UBE2V2: variants seen among roughly 807,000 people sequenced by gnomAD.
UBE2V2 encodes ubiquitin conjugating enzyme E2 V2.
A neutral mutation model predicts 17.2 loss-of-function variants in UBE2V2; 9 were observed. The observed-to-expected ratio is 0.52, with a 90% CI of 0.32 to 0.91. The LOEUF (loss-of-function observed/expected upper bound fraction) is 0.91, where lower values mean the gene tolerates loss of function less well. Ranked by LOEUF, UBE2V2 falls within the 40% of genes least tolerant of loss-of-function variation. The pLI, the probability that UBE2V2 is intolerant of heterozygous loss-of-function variation, is 0.04. For synonymous variants in UBE2V2, 61 were observed against 57.5 expected (o/e 1.06, Z -0.28); for missense variants, 133 against 182.6 (o/e 0.73, Z 1.56).
At chr8:48,029,910 G>A (rs1035078360) in intron 1 of UBE2V2, among the ~76,000 whole-genome samples, 15 of 152,122 alleles carry the variant, frequency 9.9e-5, no homozygotes, top group Admixed American at 3.3e-4. Flanking sequence ...AATAGTCTCC[G>A]TTAGAAGACC....
intron 1 of UBE2V2, among the ~76,000 whole-genome samples, chr8:48,023,720 A>T (rs45498198): frequency 0.022 from 3,339 of 152,020 alleles, 96 homozygotes; most frequent in East Asian, 0.064. Flanking sequence ...AAAAATGCAA[A>T]AAAAAATTAG....
chr8:48,033,563 A>T (rs1039002673), intron 1 of UBE2V2, among the ~76,000 whole-genome samples: 1 of 152,138 alleles, frequency 6.6e-6, no homozygotes, highest in Admixed American at 6.6e-5. Context: ...ATATAGGAAA[A>T]TGGTTACTAT....
chr8:48,024,936 AT>A (rs199796045), intron 1 of UBE2V2, among the ~76,000 whole-genome samples: 872 of 138,782 alleles, frequency 6.3e-3, no homozygotes, highest in Middle Eastern at 0.011. Flanking sequence ...TCCCTTACTG[AT>A]TTTTTTTTTT....
At chr8:48,052,635 T>C (rs1021479238) in intron 3 of UBE2V2, among the ~76,000 whole-genome samples, 1 of 152,244 alleles carries the variant, frequency 6.6e-6, no homozygotes, top group African/African-American at 2.4e-5. Flanking sequence ...TCTCTGATTC[T>C]ACTTTTTAAA....
At chr8:48,047,678 C>G (rs1423342407) in intron 2 of UBE2V2, among the ~76,000 whole-genome samples, 2 of 152,040 alleles carry the variant, frequency 1.3e-5, no homozygotes, top group African/African-American at 4.8e-5. Flanking sequence ...CTGCCTCAGC[C>G]TCCCGACTAG....
At chr8:48,016,002 A>G (rs1309846162) in intron 1 of UBE2V2, among the ~76,000 whole-genome samples, 2 of 151,380 alleles carry the variant, frequency 1.3e-5, no homozygotes, top group African/African-American at 4.9e-5. Flanking sequence ...GGTTCAAGCA[A>G]TTCTCCTGCC....
chr8:48,009,467 T>G (rs867806386), intron 1 of UBE2V2, among the ~76,000 whole-genome samples: 1 of 152,116 alleles, frequency 6.6e-6, no homozygotes, highest in Middle Eastern at 3.2e-3. Context: ...GGTTTTGTCA[T>G]GTTGGCCAGA....
intron 3 of UBE2V2, 56 bp downstream of exon 3, chr8:48,050,034 T>C: frequency 8.1e-7 from 1 of 1,230,474 alleles, no homozygotes; most frequent in South Asian, 1.8e-5. Flanking sequence ...AGTTATATAT[T>C]ATACGTACAC....
chr8:48,009,208 A>G (rs1459560309), intron 1 of UBE2V2, among the ~76,000 whole-genome samples: 1 of 152,036 alleles, frequency 6.6e-6, no homozygotes, highest in African/African-American at 2.4e-5. Context: ...TAAAAACGTT[A>G]AGCTTTAGTT....
At chr8:48,007,634 C>CA (rs1216395568), upstream of UBE2V2, among the ~76,000 whole-genome samples, 3 of 146,734 alleles carry the variant, frequency 2.0e-5, no homozygotes, top group South Asian at 2.1e-4. Context: ...AAGCTGGTCT[C>CA]AAAGTCTTGG....
chr8:48,045,067 A>C (rs1405716891), intron 2 of UBE2V2, among the ~76,000 whole-genome samples: 1 of 152,112 alleles, frequency 6.6e-6, no homozygotes, highest in Non-Finnish European at 1.5e-5. Flanking sequence ...GATGGGGGTG[A>C]AGGCTGCTTC....
chr8:48,046,592 G>A (rs1166444677), intron 2 of UBE2V2, among the ~76,000 whole-genome samples: 1 of 152,038 alleles, frequency 6.6e-6, no homozygotes, highest in Non-Finnish European at 1.5e-5. Context: ...ATGGTTCGTT[G>A]TTTTTTATTT....
chr8:48,010,694 GTTTGT>G lies in UBE2V2; in HGVS notation c.16+2228_16+2232del, dbSNP rs2091222912. Among the ~76,000 whole-genome samples the G allele has an allele frequency of 2.3e-5, 3 of 128,844 alleles. No individual in the cohort carries two copies. In the Admixed American group the frequency reaches 2.5e-4, roughly 11 times the overall value. The allele number at this position is 128,844 out of a possible 152,430, so 84.5% of individuals were successfully genotyped here. On this transcript the variant is annotated intron_variant, in intron 1 of 3. Coordinates refer to ENST00000523111, the MANE Select transcript of UBE2V2 (RefSeq NM_003350.3). The stretch of plus-strand genomic sequence containing the variant: ...GGTGTGAGCCACTGCGCCTGGGTTT[GTTTGT>G]TTTTTTTTTTTTTTGAGACTGAGTC...
intron 1 of UBE2V2, 88 bp downstream of exon 1, chr8:48,008,558 CG>C: frequency 2.0e-6 from 3 of 1,480,142 alleles, no homozygotes; most frequent in Non-Finnish European, 1.8e-6. Flanking sequence ...GCTGACCGTG[CG>C]GGAGAAGCCC....
the UBE2V2 span, among the ~76,000 whole-genome samples, chr8:48,000,327 C>T: frequency 2.6e-5 from 4 of 152,240 alleles, no homozygotes; most frequent in African/African-American, 4.8e-5. Flanking sequence ...TAGTCTCCCA[C>T]TTTAAGGTCC....
At chr8:48,038,919 A>G (rs1399772826) in intron 1 of UBE2V2, among the ~76,000 whole-genome samples, 1 of 149,646 alleles carries the variant, frequency 6.7e-6, no homozygotes, top group African/African-American at 2.5e-5. Flanking sequence ...ACCTGGCCCA[A>G]TAATCCTGAT....
upstream of UBE2V2, among the ~76,000 whole-genome samples, chr8:48,004,010 C>T (rs1301822976): frequency 6.6e-6 from 1 of 152,106 alleles, no homozygotes; most frequent in Non-Finnish European, 1.5e-5. Context: ...GGCTTGGCAT[C>T]CTTGGCCAGG....
intron 1 of UBE2V2, among the ~76,000 whole-genome samples, chr8:48,018,618 G>T (rs919702102): frequency 6.6e-6 from 1 of 152,128 alleles, no homozygotes; most frequent in Non-Finnish European, 1.5e-5. Flanking sequence ...TTAAAATAAT[G>T]TATTATGCCA....
chr8:48,008,530 T>C lies in UBE2V2; in HGVS notation c.16+60T>C, dbSNP rs921781686. On this transcript the variant is annotated intron_variant, in intron 1 of 3. Coordinates refer to ENST00000523111, the MANE Select transcript of UBE2V2 (RefSeq NM_003350.3). ...TCCGACCCGGCTCTGCCCCTCCGTCTGCTGCTGGCGCCCGAGCGCTGACCG... is the reference window on the plus strand; with the variant it reads ...TCCGACCCGGCTCTGCCCCTCCGTCCGCTGCTGGCGCCCGAGCGCTGACCG... 3.3e-6 allele frequency: 5 copies of C among 1,527,342 alleles called. No individual in the cohort carries two copies. In the African/African-American group the frequency reaches 5.8e-5, roughly 18 times the overall value. 94.6% of individuals were successfully genotyped at this position (1,527,342 alleles called of 1,614,324 possible).
Sources: allele counts gnomAD v4.1 joint callset (sites outside exome capture counted in the v4.1 genomes callset), GRCh38; gene constraint gnomAD v4.1.1; transcripts MANE v1.5; gene names NCBI Gene and HGNC (gene_info 2026-07-23, HGNC 2026-07-21).